Variants in CASD1 observed in about 807,000 individuals in gnomAD.
CASD1 encodes the protein CAS1 domain sialic acid O acetyltransferase 1.
Under a neutral mutation model 100.0 loss-of-function variants are expected in CASD1, and 41 were observed. The ratio of observed to expected loss-of-function variants is 0.41; its 90% CI spans 0.32 to 0.53. CASD1 has a LOEUF of 0.53. Among genes scored for constraint, CASD1 ranks in the 20% least tolerant of loss-of-function variants. The pLI is 0.25. For missense variants in CASD1, 774 were observed against 948.7 expected (o/e 0.82, Z 2.42); for synonymous variants, 321 against 315.6 (o/e 1.02, Z -0.18).
chr7:94,522,955 C>A (rs566479438), intron 3 of CASD1, among the ~76,000 whole-genome samples: 1 of 152,138 alleles, frequency 6.6e-6, no homozygotes, highest in Non-Finnish European at 1.5e-5. Context: ...GCCACTGCAC[C>A]CGGCCAACTT....
In CASD1 at chr7:94,537,518, C is replaced by T. The variant is rs1479670836; in HGVS notation, c.890C>T (p.Pro297Leu). ...GTGTATTGCAATAAGATTTTGAAGC[C>T]TGTAGATGGGTCCTGTTGTCAACCT... ...MNVYCNKILK[P>L]VDGSCCQPRP... is the part of the protein sequence containing the mutation. Residue 297 changes from proline to leucine, a missense_variant, in exon 9 of 18, where the codon CCT becomes CTT. This residue lies in a region of CASD1 where 453 missense variants were observed against 532.6 expected (regional missense o/e 0.85). Coordinates refer to ENST00000297273, the MANE Select transcript of CASD1 (RefSeq NM_022900.5). 6.2e-7 allele frequency: 1 copy of T among 1,613,388 alleles called. No individual in the cohort carries two copies. The highest frequency in any genetic ancestry group is 8.5e-7 in the Non-Finnish European group (1 of 1,179,806).
chr7:94,555,230 G>A (rs1796146420), intron 17 of CASD1, among the ~76,000 whole-genome samples: 1 of 151,892 alleles, frequency 6.6e-6, no homozygotes, highest in Admixed American at 6.6e-5. Context: ...CTTAAAATAG[G>A]GAAAATAAAT....
the CASD1 span, among the ~76,000 whole-genome samples, chr7:94,610,548 CTA>C: frequency 6.6e-6 from 1 of 152,100 alleles, no homozygotes; most frequent in Non-Finnish European, 1.5e-5. Context: ...AGAGCTAAAA[CTA>C]TTAAACTCTG....
At chr7:94,522,542 A>G (rs968086107) in intron 3 of CASD1, among the ~76,000 whole-genome samples, 1 of 152,272 alleles carries the variant, frequency 6.6e-6, no homozygotes, top group African/African-American at 2.4e-5. Context: ...GTAAACATAT[A>G]GTAGAGCATT....
chr7:94,543,374 A>G (rs1795513332), intron 10 of CASD1, among the ~76,000 whole-genome samples: 2 of 152,062 alleles, frequency 1.3e-5, no homozygotes, highest in Admixed American at 6.6e-5. Context: ...CAGTGTATGG[A>G]CAGGCGCAGT....
chr7:94,544,552 C>G (rs909567622), intron 11 of CASD1, 22 bp downstream of exon 11: 2 of 1,597,064 alleles, frequency 1.3e-6, no homozygotes, highest in African/African-American at 1.4e-5. Flanking sequence ...CTGTTATTTC[C>G]TTTTCTTCCA....
rs1375427240 is a variant in CASD1, at chr7:94,535,455, T to C, written c.775T>C (p.Leu259=). 6.2e-7 allele frequency: 1 copy of C among 1,613,728 alleles called. No individual in the cohort carries two copies. The highest frequency in any genetic ancestry group is 8.5e-7 in the Non-Finnish European group (1 of 1,179,798). ...SNVKMFSVSK[L]IAQETIMESL... ...TGTTAAGATGTTCAGTGTTTCCAAA[T>C]TAATTGCTCAAGAAACCATCATGGA... Residue 259 remains leucine (L), a synonymous_variant, in exon 8 of 18, where the codon TTA becomes CTA. Coordinates refer to ENST00000297273, the MANE Select transcript of CASD1 (RefSeq NM_022900.5).
chr7:94,624,005 T>C, the CASD1 span: 24 of 390,964 alleles, frequency 6.1e-5, no homozygotes, highest in African/African-American at 5.0e-4. Flanking sequence ...TTAGTAAACA[T>C]TTGCAGAGCC....
chr7:94,567,352 C>G, the CASD1 span, among the ~76,000 whole-genome samples: 2 of 152,150 alleles, frequency 1.3e-5, no homozygotes, highest in Non-Finnish European at 2.9e-5. Context: ...CTATGCCCTG[C>G]TTCTGTCATA....
the CASD1 span, among the ~76,000 whole-genome samples, chr7:94,607,618 T>G: frequency 6.6e-6 from 1 of 152,052 alleles, no homozygotes; most frequent in African/African-American, 2.4e-5. Context: ...AAAAAAAAAT[T>G]CTTAGTAAAC....
At chr7:94,579,092 A>G in the CASD1 span, among the ~76,000 whole-genome samples, 1 of 152,048 alleles carries the variant, frequency 6.6e-6, no homozygotes. Flanking sequence ...CATCTTCCAT[A>G]ATACACTATG....
chr7:94,604,831 ATATATATATATATATATATATATATAT>A, the CASD1 span, among the ~76,000 whole-genome samples: 1 of 64,978 alleles, frequency 1.5e-5, no homozygotes, highest in Non-Finnish European at 3.4e-5. Flanking sequence ...ATATATATAT[ATATATATATATATATATATATATATAT>A]AATAGTTGTT....
intron 12 of CASD1, 51 bp downstream of exon 12, chr7:94,545,752 A>C (rs768123305): frequency 7.9e-7 from 1 of 1,264,630 alleles, no homozygotes; most frequent in African/African-American, 1.5e-5. Flanking sequence ...TCAACGTGTG[A>C]AATTTCTTTG....
downstream of CASD1, among the ~76,000 whole-genome samples, chr7:94,561,856 A>G (rs1178089975): frequency 3.9e-5 from 6 of 152,080 alleles, no homozygotes; most frequent in Non-Finnish European, 5.9e-5. Context: ...GCTTTTTATC[A>G]CTTCCTCAGA....
chr7:94,563,243 AC>A, the CASD1 span, among the ~76,000 whole-genome samples: 3 of 152,044 alleles, frequency 2.0e-5, no homozygotes, highest in Admixed American at 6.5e-5. Context: ...CTCCCTCCTT[AC>A]CCCCTTTTCC....
intron 3 of CASD1, among the ~76,000 whole-genome samples, chr7:94,526,445 C>G (rs1051360200): frequency 6.6e-6 from 1 of 152,174 alleles, no homozygotes; most frequent in African/African-American, 2.4e-5. Context: ...CTCTGCCTAA[C>G]TGAAAGGGCC....
the CASD1 span, chr7:94,584,937 G>C: frequency 6.5e-6 from 1 of 152,680 alleles, no homozygotes; most frequent in African/African-American, 2.4e-5. Context: ...AGCGTGGGCT[G>C]CCCTGCATGA....
rs1554408701 is a variant in CASD1, at chr7:94,527,152, T to C, written c.352-10T>C. The stretch of plus-strand genomic sequence containing the variant: ...ATACATTAATATTTCTCTGTCTCCT[T>C]TTATGGCAGCATGAAAACATTCCTT... On this transcript the variant is annotated splice_polypyrimidine_tract_variant and intron_variant, in intron 3 of 17. Transcript: ENST00000297273. 6.2e-7 allele frequency: 1 copy of C among 1,604,304 alleles called. No homozygotes were observed. Among genetic ancestry groups the C allele is most frequent in the East Asian group, 2.2e-5 (1 of 44,690 alleles).
Position 94,545,712 on chromosome 7 carries a change from T to C in CASD1, c.1633+11T>C. ...AAAAAAAAGCAAACGGTAAATATAC[T>C]TTCTTACTAATGTTAGTAAATATAT... On this transcript the variant is annotated intron_variant, in intron 12 of 17. Coordinates refer to ENST00000297273, the MANE Select transcript of CASD1 (RefSeq NM_022900.5). 1 of 1,538,936 alleles carries C rather than the reference T, an allele frequency of 6.5e-7. No homozygotes were observed.
Sources: gnomAD v4.1 joint callset for allele counts (sites outside exome capture counted in the v4.1 genomes callset) on GRCh38, gnomAD v4.1.1 for gene constraint, gnomAD v4.1.1 regional missense constraint, MANE v1.5 for transcripts, NCBI Gene and HGNC (gene_info 2026-07-23, HGNC 2026-07-21) for gene names.